The following FAM53B variants were observed in gnomAD, a reference collection of about 807,000 sequenced individuals.
FAM53B encodes family with sequence similarity 53 member B.
Under a neutral mutation model 32.7 loss-of-function variants are expected in FAM53B, and 12 were observed. That is an observed-to-expected ratio of 0.37 (90% CI 0.24 to 0.59). FAM53B has a LOEUF of 0.59. Among genes scored for constraint, FAM53B ranks in the 20% least tolerant of loss-of-function variants. The pLI is 0.72. For missense variants in FAM53B, 477 were observed against 577.7 expected (o/e 0.83, Z 1.79); for synonymous variants, 234 against 228.7 (o/e 1.02, Z -0.21).
chr10:124,619,947 G>A lies in FAM53B; in HGVS notation c.*3295C>T, dbSNP rs1407060023. On this transcript the variant is annotated 3_prime_UTR_variant, in exon 5 of 5. Transcript: ENST00000337318. ...CAGGGGGCCCGGGGTTCCACAGCTA[G>A]GGAAGCTTGCTCAGACAGGCAGCAC... The A allele has an allele frequency of 1.3e-5, 2 of 152,384 alleles. No homozygotes were observed. The highest frequency in any genetic ancestry group is 2.9e-5 in the Non-Finnish European group (2 of 68,078). 9.4% of individuals were successfully genotyped at this position (152,384 alleles called of 1,614,324 possible).
chr10:124,627,424 G>T (rs1206998593), intron 4 of FAM53B, among the ~76,000 whole-genome samples: 2 of 152,224 alleles, frequency 1.3e-5, no homozygotes, highest in African/African-American at 4.8e-5. Flanking sequence ...GCCGCAAAAT[G>T]GCTAAGTTCA....
At chr10:124,680,895 C>G (rs533744700) in intron 4 of FAM53B, among the ~76,000 whole-genome samples, 1 of 152,350 alleles carries the variant, frequency 6.6e-6, no homozygotes, top group Non-Finnish European at 1.5e-5. Context: ...GCAGCCAACT[C>G]TCGGGCTCAG....
chr10:124,715,230 C>T (rs986126385), intron 1 of FAM53B, among the ~76,000 whole-genome samples: 4 of 152,178 alleles, frequency 2.6e-5, no homozygotes, highest in African/African-American at 9.7e-5. Context: ...GATGTTGAAA[C>T]ATGGTATTAG....
intron 4 of FAM53B, chr10:124,667,429 G>C (rs770758186): frequency 5.3e-5 from 41 of 767,268 alleles, no homozygotes; most frequent in Admixed American, 5.2e-4. Flanking sequence ...ATCTGGAGGA[G>C]AAAATACAAC....
chr10:124,703,080 C>G (rs1304382326), intron 2 of FAM53B, among the ~76,000 whole-genome samples: 1 of 152,090 alleles, frequency 6.6e-6, no homozygotes, highest in African/African-American at 2.4e-5. Context: ...CTCACTCTGT[C>G]GCCCAGGCTG....
rs1265802697 is a variant in FAM53B at position 124,651,621 on chromosome 10, A to G, written c.907-28017T>C. Among the ~76,000 whole-genome samples the G allele has an allele frequency of 1.3e-5, 2 of 151,910 alleles. No individual in the cohort carries two copies. The highest frequency in any genetic ancestry group is 2.9e-5 in the Non-Finnish European group (2 of 67,946). The stretch of plus-strand genomic sequence containing the variant: ...TGCCACCCCCACCTCCGAGACAGTG[A>G]GGCCCAGCGGCCTCCTCATTTCCTC... On this transcript the variant is annotated intron_variant, in intron 4 of 4. Coordinates refer to ENST00000337318, the MANE Select transcript of FAM53B (RefSeq NM_014661.4). The surrounding 1 kb of genome is among the most constrained non-coding windows in gnomAD (Gnocchi z 5.2).
In FAM53B at chr10:124,636,053, G is replaced by A. The variant is rs565192910; in HGVS notation, c.907-12449C>T. Reference sequence around the variant, plus strand: ...TACTCTGTATGTTGTTTTAATTTTCGAACACGTGAATGTACTGTCCGAAAA... The same window carrying A: ...TACTCTGTATGTTGTTTTAATTTTCAAACACGTGAATGTACTGTCCGAAAA... On this transcript the variant is annotated intron_variant, in intron 4 of 4. Transcript: ENST00000337318. Among the ~76,000 whole-genome samples, 379 of 152,244 alleles carry A rather than the reference G, an allele frequency of 2.5e-3. 1 individual carries two copies. The highest frequency in any genetic ancestry group is 8.8e-3 in the African/African-American group (365 of 41,548).
rs78352379 is a variant in FAM53B at position 124,705,030 on chromosome 10, G to A, written c.78+1606C>T. On this transcript the variant is annotated intron_variant, in intron 2 of 4. Transcript: ENST00000337318. ...CGCTGCAGTGACCAAGGCTGCCATC[G>A]AGCAAACACACCTCAGGTGCCTGCT... 2.8e-3 allele frequency among the ~76,000 whole-genome samples: 421 copies of A among 152,308 alleles called. 3 individuals are homozygous for A. The highest frequency in any genetic ancestry group is 9.4e-3 in the African/African-American group (390 of 41,562).
At chr10:124,629,879 G>A (rs1949379533) in intron 4 of FAM53B, among the ~76,000 whole-genome samples, 2 of 152,366 alleles carry the variant, frequency 1.3e-5, no homozygotes, top group South Asian at 4.1e-4. Flanking sequence ...ACAGGAAGCT[G>A]CTGCCCCTGC....
chr10:124,672,491 T>C (rs1949712434), intron 4 of FAM53B, among the ~76,000 whole-genome samples: 1 of 152,236 alleles, frequency 6.6e-6, no homozygotes, highest in Non-Finnish European at 1.5e-5. Flanking sequence ...TAGGCTTCAT[T>C]AGGAGAATCG....
rs150719036 is a variant in FAM53B, at chr10:124,730,402, T to C, written c.-175+13611A>G. Among the ~76,000 whole-genome samples, 535 of 152,332 alleles carry C rather than the reference T, an allele frequency of 3.5e-3. 5 individuals carry two copies. The highest frequency in any genetic ancestry group is 0.012 in the African/African-American group (506 of 41,580). On this transcript the variant is annotated intron_variant, in intron 1 of 4. Coordinates refer to ENST00000337318, the MANE Select transcript of FAM53B (RefSeq NM_014661.4). ...CATGGTGGGGGCCTGCCAATGGTCA[T>C]AGGATTTAGGGACAGCCTCTTCACT...
chr10:124,663,923 C>T (rs1175409319), intron 4 of FAM53B, among the ~76,000 whole-genome samples: 6 of 152,098 alleles, frequency 3.9e-5, no homozygotes, highest in African/African-American at 7.2e-5. Flanking sequence ...GAGCCTGGCA[C>T]GGGACACCTG....
intron 1 of FAM53B, among the ~76,000 whole-genome samples, chr10:124,728,530 C>T (rs1477190527): frequency 6.6e-6 from 1 of 152,176 alleles, no homozygotes; most frequent in Non-Finnish European, 1.5e-5. Context: ...ATTCTGGATC[C>T]CTGACGCCTC....
chr10:124,693,862 G>C (rs61870535), intron 3 of FAM53B, among the ~76,000 whole-genome samples: 36,724 of 152,164 alleles, frequency 0.24, 5,706 homozygotes, highest in Middle Eastern at 0.33. Context: ...CCTGAGAGAA[G>C]GGGCAGGGTC....
chr10:124,706,437 T>C (rs1484498167), intron 2 of FAM53B, among the ~76,000 whole-genome samples, 199 bp downstream of exon 2: 1 of 152,344 alleles, frequency 6.6e-6, no homozygotes, highest in East Asian at 1.9e-4. Flanking sequence ...AAATCTGAGC[T>C]GAGTTCCTTC....
chr10:124,735,775 GGGCT>G (rs10583553), intron 1 of FAM53B, among the ~76,000 whole-genome samples: 59,457 of 151,832 alleles, frequency 0.39, 11,829 homozygotes, highest in East Asian at 0.45. Context: ...CCGAACCTAT[GGGCT>G]GGCTGGGGGT....
chr10:124,654,044 G>A (rs978743546), intron 4 of FAM53B, among the ~76,000 whole-genome samples: 1 of 152,218 alleles, frequency 6.6e-6, no homozygotes, highest in African/African-American at 2.4e-5. Context: ...GGGGCATTCA[G>A]AGCCATTAAG....
chr10:124,702,523 G>A (rs565645183), intron 2 of FAM53B, among the ~76,000 whole-genome samples: 3 of 152,314 alleles, frequency 2.0e-5, no homozygotes, highest in South Asian at 2.1e-4. Flanking sequence ...GCTCCAAGGC[G>A]ATCACAGCCT....
chr10:124,719,641 C>T (rs1223661946), intron 1 of FAM53B, among the ~76,000 whole-genome samples: 1 of 152,170 alleles, frequency 6.6e-6, no homozygotes, highest in African/African-American at 2.4e-5. Flanking sequence ...TGTCACTGTC[C>T]CCCTAGTGGA....
Sources: gnomAD v4.1 joint callset for allele counts (sites outside exome capture counted in the v4.1 genomes callset) on GRCh38, gnomAD v4.1.1 for gene constraint, Gnocchi (gnomAD v3.1) non-coding constraint, MANE v1.5 for transcripts, NCBI Gene and HGNC (gene_info 2026-07-23, HGNC 2026-07-21) for gene names.